Variants in ARAP2 observed in about 807,000 individuals in gnomAD.
ARAP2 encodes the protein arf-GAP with Rho-GAP domain, ANK repeat and PH domain-containing protein 2.
ARAP2 carries 148 observed loss-of-function variants against 194.5 expected under a neutral mutation model. The ratio of observed to expected loss-of-function variants is 0.76; its 90% confidence interval spans 0.67 to 0.87. ARAP2 has a LOEUF of 0.87. Ranked by LOEUF, ARAP2 falls within the 40% of genes least tolerant of loss-of-function variation. The pLI is 0.00. For synonymous variants in ARAP2, 695 were observed against 683.5 expected, an observed-to-expected ratio of 1.02 and a Z score of -0.26; for missense variants, 2,128 against 1,989.7, an observed-to-expected ratio of 1.07 and a Z score of -1.32.
intron 2 of ARAP2, among the ~76,000 whole-genome samples, chr4:36,219,903 CTCACTA>C (rs760443551): frequency 4.6e-4 from 70 of 152,106 alleles, no homozygotes; most frequent in Non-Finnish European, 8.5e-4. Context: ...TAAAAATATA[CTCACTA>C]TAAGATTGCA....
At chr4:36,064,309 A>C (rs1275604391), downstream of ARAP2, among the ~76,000 whole-genome samples, 3 of 151,854 alleles carry the variant, frequency 2.0e-5, no homozygotes, top group Non-Finnish European at 4.4e-5. Flanking sequence ...TAGAGGTGGA[A>C]ATAAGCCACC....
At chr4:36,039,578 C>T (rs1720499494) in intron 5 of ARAP2, among the ~76,000 whole-genome samples, 1 of 152,094 alleles carries the variant, frequency 6.6e-6, no homozygotes, top group South Asian at 2.1e-4. Flanking sequence ...GAAAATCCTG[C>T]TCATATTTTT....
At position 36,032,118 on chromosome 4, in the gene ARAP2, T is replaced by G. The variant is rs541269317; in HGVS notation, n.608-12832A>C. ...AACTTCCAATATGACAAAATGTGAG[T>G]ATTTATATTATCAGAATAAAGGAAT... On this transcript the variant is annotated intron_variant and non_coding_transcript_variant, in intron 5 of 12. Transcript: ENST00000503225. 2.6e-5 allele frequency among the ~76,000 whole-genome samples: 4 copies of G among 152,252 alleles called. No individual in the cohort carries two copies. The South Asian group carries it at 8.3e-4, about 32-fold the overall frequency.
chr4:36,174,340 T>G (rs1737335671), intron 9 of ARAP2, among the ~76,000 whole-genome samples: 1 of 152,236 alleles, frequency 6.6e-6, no homozygotes, highest in Non-Finnish European at 1.5e-5. Flanking sequence ...AGAATGCAGT[T>G]GTGAAATGGT....
At chr4:36,225,713 G>T (rs955890571) in intron 2 of ARAP2, among the ~76,000 whole-genome samples, 1 of 151,950 alleles carries the variant, frequency 6.6e-6, no homozygotes, top group Non-Finnish European at 1.5e-5. Context: ...TCCAGGGAGA[G>T]AAAAACAAAG....
chr4:36,183,985 C>T (rs1739910812), intron 8 of ARAP2, among the ~76,000 whole-genome samples: 1 of 152,098 alleles, frequency 6.6e-6, no homozygotes, highest in Non-Finnish European at 1.5e-5. Context: ...AAACTTTCCC[C>T]TTTTTGTTCT....
At chr4:36,199,052 C>T (rs1181915363) in intron 6 of ARAP2, among the ~76,000 whole-genome samples, 2 of 152,214 alleles carry the variant, frequency 1.3e-5, no homozygotes, top group Non-Finnish European at 2.9e-5. Flanking sequence ...CCGAGGAGCT[C>T]CCACCTTACC....
intron 27 of ARAP2, among the ~76,000 whole-genome samples, chr4:36,103,507 T>C (rs1450486816): frequency 1.3e-5 from 2 of 151,586 alleles, no homozygotes; most frequent in East Asian, 1.9e-4. Context: ...TATGACACTG[T>C]CTAAATAGCA....
At chr4:36,171,782 A>T (rs1038209732) in intron 9 of ARAP2, among the ~76,000 whole-genome samples, 5 of 151,766 alleles carry the variant, frequency 3.3e-5, no homozygotes, top group African/African-American at 1.2e-4. Flanking sequence ...TTTGAAACCA[A>T]CTGAACATAG....
At chr4:36,157,737 C>G (rs564304776) in intron 15 of ARAP2, among the ~76,000 whole-genome samples, 1 of 152,258 alleles carries the variant, frequency 6.6e-6, no homozygotes, top group African/African-American at 2.4e-5. Context: ...GACAGCTATT[C>G]TTTTCAGGAA....
chr4:36,162,737 G>C (rs1201963060), intron 11 of ARAP2, among the ~76,000 whole-genome samples: 1 of 151,722 alleles, frequency 6.6e-6, no homozygotes, highest in Non-Finnish European at 1.5e-5. Context: ...AAACTTAAAA[G>C]CCTGTAGGAA....
chr4:36,044,808 G>A (rs1721530199), intron 5 of ARAP2, among the ~76,000 whole-genome samples: 1 of 151,638 alleles, frequency 6.6e-6, no homozygotes, highest in African/African-American at 2.4e-5. Flanking sequence ...TCTGATAAGG[G>A]GATAAATTCA....
At chr4:36,208,483 T>C (rs973159746) in intron 6 of ARAP2, among the ~76,000 whole-genome samples, 1 of 152,226 alleles carries the variant, frequency 6.6e-6, no homozygotes, top group Admixed American at 6.5e-5. Flanking sequence ...ACACCTGCTA[T>C]ATGGAGTTTG....
intron 1 of ARAP2, among the ~76,000 whole-genome samples, chr4:36,243,346 G>A (rs1753921036): frequency 8.4e-6 from 1 of 118,724 alleles, no homozygotes; most frequent in Non-Finnish European, 1.6e-5. Flanking sequence ...ACCGAAGGCT[G>A]TATTCTACTG....
intron 20 of ARAP2, among the ~76,000 whole-genome samples, chr4:36,129,287 A>T (rs76977316): frequency 0.071 from 10,736 of 151,934 alleles, 429 homozygotes; most frequent in East Asian, 0.14. Flanking sequence ...CAATGACAAT[A>T]ATTCAAACCC....
chr4:36,086,338 G>C (rs1294840057), intron 28 of ARAP2, among the ~76,000 whole-genome samples: 1 of 152,086 alleles, frequency 6.6e-6, no homozygotes, highest in African/African-American at 2.4e-5. Flanking sequence ...AGTAGATTGA[G>C]AGTCTGAGGG....
At chr4:36,129,071 C>T (rs917115170) in intron 20 of ARAP2, among the ~76,000 whole-genome samples, 1 of 151,930 alleles carries the variant, frequency 6.6e-6, no homozygotes, top group African/African-American at 2.4e-5. Context: ...AACAACTTAC[C>T]TCCATTTCTC....
chr4:36,162,885 G>A (rs1024150514), intron 11 of ARAP2, among the ~76,000 whole-genome samples: 1 of 152,130 alleles, frequency 6.6e-6, no homozygotes, highest in Non-Finnish European at 1.5e-5. Context: ...GAAGGAAAGA[G>A]GAAGAGTCAA....
At chr4:36,189,627 G>A (rs139379188) in intron 7 of ARAP2, among the ~76,000 whole-genome samples, 9 of 151,920 alleles carry the variant, frequency 5.9e-5, no homozygotes, top group Non-Finnish European at 1.2e-4. Flanking sequence ...GATTCACTTT[G>A]AAAAAAGCTT....
Sources: allele counts gnomAD v4.1 joint callset (sites outside exome capture counted in the v4.1 genomes callset), GRCh38; gene constraint gnomAD v4.1.1; transcripts MANE v1.5; gene names NCBI Gene and HGNC (gene_info 2026-07-23, HGNC 2026-07-21).